The following HNRNPL variants were observed in gnomAD, a reference collection of about 807,000 sequenced individuals.
The protein encoded by HNRNPL is epididymis secretory sperm binding protein.
HNRNPL carries 12 observed loss-of-function variants against 64.0 expected under a neutral mutation model. That is an observed-to-expected ratio of 0.19 (90% confidence interval 0.12 to 0.30). HNRNPL has a LOEUF of 0.30. HNRNPL is among the 10% of genes least tolerant of loss of function. The pLI, the probability that HNRNPL is intolerant of heterozygous loss-of-function variation, is 1.00. For missense variants in HNRNPL, 484 were observed against 797.4 expected, an observed-to-expected ratio of 0.61 and a Z score of 4.73; for synonymous variants, 385 against 313.0, an observed-to-expected ratio of 1.23 and a Z score of -2.43.
In HNRNPL at chr19:38,845,864, A is replaced by T; in HGVS notation, c.613T>A (p.Ser205Thr). The change falls in exon 3 of 13, where the codon TCG becomes ACG. Residue 205 changes from serine (S) to threonine (T), a missense_variant. Physicochemically the swap from Ser to Thr is moderately conservative, Grantham distance 58 (BLOSUM62 1). Transcript: ENST00000221419. Reference sequence around the variant, plus strand: ...CTGCTGGCACGTACCGTGGTGATCGAATAAATGGGGTTCAGGATGGTAAAG... The same window carrying T: ...CTGCTGGCACGTACCGTGGTGATCGTATAAATGGGGTTCAGGATGGTAAAG... Reference protein sequence around the residue: ...LLFTILNPIYSITTDVLYTIC... With the variant: ...LLFTILNPIYTITTDVLYTIC... 6.2e-7 allele frequency: 1 copy of T among 1,613,944 alleles called. No individual in the cohort carries two copies. The highest frequency in any genetic ancestry group is 8.5e-7 in the Non-Finnish European group (1 of 1,179,772).
upstream of HNRNPL, chr19:38,850,222 A>G (rs971711470): frequency 1.8e-5 from 7 of 398,964 alleles, no homozygotes; most frequent in African/African-American, 8.3e-5. Context: ...AATAAAATCC[A>G]ATTTGATAGG....
chr19:38,849,647 G>A (rs994736128), intron 1 of HNRNPL, 53 bp downstream of exon 1: 4 of 1,306,082 alleles, frequency 3.1e-6, no homozygotes, highest in Non-Finnish European at 1.9e-6. Flanking sequence ...CCTCAAGCTG[G>A]GAAATTGTCC....
At position 38,849,805 on chromosome 19, in the gene HNRNPL, G is replaced by A; in HGVS notation, c.162C>T (p.Gly54=). Residue 54 remains glycine (G), a synonymous_variant, in exon 1 of 13, where the codon GGC becomes GGT. Coordinates refer to ENST00000221419, the MANE Select transcript of HNRNPL (RefSeq NM_001533.3). ...TCTTGAGCCGCTTAGGGGCCCGGCC[G>A]CCCTCACTGCCGCCGCCGTAGTAGC... ...GGRYYGGGSE[G]GRAPKRLKTD... is the part of the protein sequence containing the mutation. The A allele has an allele frequency of 7.6e-7, 1 of 1,319,164 alleles. No individual in the cohort carries two copies. 81.7% of individuals were successfully genotyped at this position (1,319,164 alleles called of 1,614,324 possible).
Position 38,847,351 on chromosome 19 carries a change from G to A in HNRNPL, c.351C>T (p.Asp117=), listed in dbSNP as rs1249621078. The A allele has an allele frequency of 5.2e-6, 8 of 1,548,556 alleles. No individual in the cohort carries two copies. Among genetic ancestry groups the A allele is most frequent in the Non-Finnish European group, 7.0e-6 (8 of 1,144,252 alleles). Residue 117 remains aspartate, a synonymous_variant, in exon 2 of 13, where the codon GAC becomes GAT. Coordinates refer to ENST00000221419, the MANE Select transcript of HNRNPL (RefSeq NM_001533.3). ...RGLIDGVVEA[D]LVEALQEFGP... is the part of the protein sequence containing the mutation. Reference sequence around the variant, plus strand: ...CAAACTCCTGCAAGGCCTCCACAAGGTCTGCTTCCACCACACCGTCAATCA... The same window carrying A: ...CAAACTCCTGCAAGGCCTCCACAAGATCTGCTTCCACCACACCGTCAATCA...
At chr19:38,838,644 C>T (rs769803438) in intron 9 of HNRNPL, 46 bp from the exon 10 acceptor site, 29 of 1,575,346 alleles carry the variant, frequency 1.8e-5, no homozygotes, top group Non-Finnish European at 2.5e-5. Context: ...CCAAAGTTGT[C>T]CCTGAAGCTT....
At chr19:38,840,045 G>C in intron 8 of HNRNPL, 51 bp downstream of exon 8, 3 of 1,583,004 alleles carry the variant, frequency 1.9e-6, no homozygotes. Flanking sequence ...CGTGCTGACT[G>C]GCAAGATACG....
At position 38,841,738 on chromosome 19, in the gene HNRNPL, A is replaced by G. The variant is rs965467051; in HGVS notation, c.881-1179T>C. 4.1e-6 allele frequency: 3 copies of G among 724,594 alleles called. No homozygotes were observed. In the Admixed American group the frequency reaches 7.7e-5, roughly 19 times the overall value. 44.9% of individuals were successfully genotyped at this position (724,594 alleles called of 1,614,324 possible). ...CAAGTCACGGTACACATCCGCTACAATTTTTTTAAAGAATTGTTTTAAAAG... is the reference window on the plus strand; with the variant it reads ...CAAGTCACGGTACACATCCGCTACAGTTTTTTTAAAGAATTGTTTTAAAAG... On this transcript the variant is annotated intron_variant, in intron 6 of 12. Transcript: ENST00000221419.
intron 2 of HNRNPL, 101 bp downstream of exon 2, chr19:38,847,215 G>C: frequency 3.5e-6 from 2 of 563,744 alleles, no homozygotes; most frequent in Non-Finnish European, 6.1e-6. Context: ...TCTAGACCAG[G>C]ATGGCAACAA....
In HNRNPL at chr19:38,843,993, A is replaced by G. The variant is rs199628884; in HGVS notation, c.807+15T>C. The G allele has an allele frequency of 6.2e-7, 1 of 1,610,744 alleles. No individual in the cohort carries two copies. The highest frequency in any genetic ancestry group is 8.5e-7 in the Non-Finnish European group (1 of 1,177,030). The stretch of plus-strand genomic sequence containing the variant: ...GGAAGCTGACAAGGGGCAGTCAGTC[A>G]CCTCCCAGATGTACCTTTGCGTATT... On this transcript the variant is annotated intron_variant, in intron 5 of 12. Coordinates refer to ENST00000221419, the MANE Select transcript of HNRNPL (RefSeq NM_001533.3).
chr19:38,843,809 G>A lies in HNRNPL; in HGVS notation c.880+33C>T, dbSNP rs367888491. On this transcript the variant is annotated intron_variant, in intron 6 of 12. Coordinates refer to ENST00000221419, the MANE Select transcript of HNRNPL (RefSeq NM_001533.3). ...CACTAGTCGAGTGAAAGCAAGGCGGGTATGTTTAGAACAAAGTGGTCGTCA... is the reference window on the plus strand; with the variant it reads ...CACTAGTCGAGTGAAAGCAAGGCGGATATGTTTAGAACAAAGTGGTCGTCA... 2.9e-4 allele frequency: 456 copies of A among 1,563,742 alleles called. 6 individuals are homozygous for A. The South Asian group carries it at 4.7e-3, about 16-fold the overall frequency.
At position 38,843,894 on chromosome 19, in the gene HNRNPL, G is replaced by A. The variant is rs1160897251; in HGVS notation, c.828C>T (p.Phe276=). The A allele has an allele frequency of 3.1e-6, 5 of 1,614,010 alleles. No homozygotes were observed. The highest frequency in any genetic ancestry group is 4.2e-6 in the Non-Finnish European group (5 of 1,179,980). The change falls in exon 6 of 13, where the codon TTC becomes TTT. Residue 276 remains phenylalanine, a synonymous_variant. Coordinates refer to ENST00000221419, the MANE Select transcript of HNRNPL (RefSeq NM_001533.3). The stretch of plus-strand genomic sequence containing the variant: ...AGTCCCAAGTATCCTGATCATTCTT[G>A]AACACATTCAAGCGTGTAGGCTGCA... The part of the protein sequence containing the change: ...EYAKPTRLNV[F]KNDQDTWDYT...
At chr19:38,844,439 C>T (rs1390548382) in intron 4 of HNRNPL, among the ~76,000 whole-genome samples, 3 of 152,220 alleles carry the variant, frequency 2.0e-5, no homozygotes, top group Non-Finnish European at 4.4e-5. Flanking sequence ...TCGATTACAG[C>T]TCTGCCCTGA....
chr19:38,852,108 ACGG>A (rs541225533), upstream of HNRNPL, among the ~76,000 whole-genome samples: 6,076 of 138,290 alleles, frequency 0.044, 378 homozygotes, highest in African/African-American at 0.15. Context: ...CGGCCGGAGC[ACGG>A]CGGAACGGTC....
intron 4 of HNRNPL, chr19:38,845,222 A>C: frequency 2.7e-5 from 1 of 36,492 alleles, no homozygotes; most frequent in East Asian, 4.5e-4. Context: ...CCAGATCTCT[A>C]CTAAAAATAA....
chr19:38,844,657 GCTC>G (rs1343094356), intron 4 of HNRNPL: 1 of 154,888 alleles, frequency 6.5e-6, no homozygotes, highest in Non-Finnish European at 1.4e-5. Flanking sequence ...TTGAGTATAA[GCTC>G]CTATTTGCTC....
upstream of HNRNPL, among the ~76,000 whole-genome samples, chr19:38,851,382 G>A (rs1231304923): frequency 6.6e-6 from 1 of 152,232 alleles, no homozygotes; most frequent in Non-Finnish European, 1.5e-5. Context: ...GATTAACCCG[G>A]GATCCCGTCC....
intron 9 of HNRNPL, 37 bp from the exon 10 acceptor site, chr19:38,838,635 C>T (rs747375251): frequency 5.3e-5 from 85 of 1,589,410 alleles, no homozygotes; most frequent in Non-Finnish European, 6.8e-5. Context: ...TTGTCATACC[C>T]AAAGTTGTCC....
chr19:38,851,800 G>T (rs1032343972), upstream of HNRNPL, among the ~76,000 whole-genome samples: 5 of 152,170 alleles, frequency 3.3e-5, no homozygotes, highest in Admixed American at 6.5e-5. Flanking sequence ...GAGGGGACAG[G>T]CCTGGTGGCT....
At chr19:38,850,168 G>C, upstream of HNRNPL, 2 of 426,342 alleles carry the variant, frequency 4.7e-6, no homozygotes, top group Non-Finnish European at 8.2e-6. Flanking sequence ...CTCCTTATAG[G>C]TGGTCGCTTT....
Sources: gnomAD v4.1 joint callset for allele counts (sites outside exome capture counted in the v4.1 genomes callset) on GRCh38, gnomAD v4.1.1 for gene constraint, MANE v1.5 for transcripts, NCBI Gene and HGNC (gene_info 2026-07-23, HGNC 2026-07-21) for gene names.